GINS1: variants seen among roughly 807,000 people sequenced by gnomAD.
GINS1 encodes DNA replication complex GINS protein PSF1.
Under a neutral mutation model 34.9 loss-of-function variants are expected in GINS1, and 26 were observed. The ratio of observed to expected loss-of-function variants is 0.74; its 90% confidence interval spans 0.55 to 1.03. The LOEUF is 1.03. GINS1 is among the 50% of genes least tolerant of loss of function. The pLI, the probability that GINS1 is intolerant of heterozygous loss-of-function variation, is 0.00. For missense variants in GINS1, 235 were observed against 237.9 expected, an observed-to-expected ratio of 0.99 and a Z score of 0.08; for synonymous variants, 97 against 84.4, an observed-to-expected ratio of 1.15 and a Z score of -0.82.
chr20:25,413,084 A>G (rs1319543753), intron 1 of GINS1, among the ~76,000 whole-genome samples: 1 of 150,082 alleles, frequency 6.7e-6, no homozygotes, highest in Admixed American at 6.6e-5. Flanking sequence ...TTTGAGACGA[A>G]GTTTCGCTCT....
chr20:25,432,904 A>G (rs1396431161), intron 5 of GINS1, among the ~76,000 whole-genome samples: 1 of 148,844 alleles, frequency 6.7e-6, no homozygotes, highest in Admixed American at 6.7e-5. Context: ...TATATATTCT[A>G]TAATATATAA....
At chr20:25,430,154 A>AC (rs2090418884) in intron 5 of GINS1, among the ~76,000 whole-genome samples, 2 of 151,850 alleles carry the variant, frequency 1.3e-5, no homozygotes, top group Admixed American at 6.6e-5. Context: ...CTCATCATCC[A>AC]CCCGCCTTGG....
chr20:25,411,188 T>C (rs939932818), intron 1 of GINS1: 1 of 152,138 alleles, frequency 6.6e-6, no homozygotes. Flanking sequence ...AGTGAGAGGA[T>C]TGCATGGCTC....
At chr20:25,417,475 C>T (rs1367848649) in intron 3 of GINS1, among the ~76,000 whole-genome samples, 2 of 152,052 alleles carry the variant, frequency 1.3e-5, no homozygotes. Flanking sequence ...TCGTGTTTCA[C>T]TTGTTGGTGC....
At chr20:25,411,574 G>A (rs2090285351) in intron 1 of GINS1, among the ~76,000 whole-genome samples, 3 of 152,048 alleles carry the variant, frequency 2.0e-5, no homozygotes, top group South Asian at 2.1e-4. Context: ...CATGGCAGGC[G>A]GATCACTTGA....
chr20:25,441,906 T>C (rs773826684), intron 6 of GINS1, 130 bp downstream of exon 6: 7 of 531,596 alleles, frequency 1.3e-5, no homozygotes, highest in Admixed American at 3.6e-5. Context: ...TAGTATAATA[T>C]ACCCTGTTCT....
chr20:25,418,561 CATT>C (rs1468933119), intron 4 of GINS1, among the ~76,000 whole-genome samples: 1 of 152,144 alleles, frequency 6.6e-6, no homozygotes, highest in Admixed American at 6.6e-5. Context: ...AGAACTAGCC[CATT>C]ATTTAAGGAC....
chr20:25,432,328 T>G (rs1229369650), intron 5 of GINS1, among the ~76,000 whole-genome samples: 3 of 151,976 alleles, frequency 2.0e-5, no homozygotes, highest in Non-Finnish European at 4.4e-5. Context: ...TTTTTTTTTT[T>G]GAGACGGAGT....
At chr20:25,421,017 G>C (rs1227040301) in intron 4 of GINS1, 2 of 951,306 alleles carry the variant, frequency 2.1e-6, no homozygotes, top group Non-Finnish European at 2.5e-6. Flanking sequence ...AGGAGCCTAT[G>C]AGGTCTGAAT....
intron 1 of GINS1, among the ~76,000 whole-genome samples, chr20:25,413,056 A>ATTTTTTTTTTTTTTTTTTT (rs753937496): frequency 7.4e-6 from 1 of 135,956 alleles, no homozygotes; most frequent in Non-Finnish European, 1.6e-5. Flanking sequence ...TCAGTAGTTC[A>ATTTTTTTTTTTTTTTTTTT]TTTTTTTTTT....
rs1159340467 is a variant in GINS1, at chr20:25,423,452, CTTTTTTTTTTTTTTTTT to C, written c.331-1741_331-1725del. 6.3e-4 allele frequency among the ~76,000 whole-genome samples: 19 copies of C among 29,992 alleles called. No homozygotes were observed. The East Asian group carries it at 0.012, about 18-fold the overall frequency. The allele number at this position is 29,992 out of a possible 152,430, so 19.7% of individuals were successfully genotyped here. ...AAGGTTATTAAGATATTTTTCTTTT[CTTTTTTTTTTTTTTTTT>C]TTTTTTTTTTTTTTTTTGAGACGGC... On this transcript the variant is annotated intron_variant, in intron 4 of 6. Coordinates refer to ENST00000262460, the MANE Select transcript of GINS1 (RefSeq NM_021067.5).
intron 5 of GINS1, among the ~76,000 whole-genome samples, chr20:25,429,630 G>A (rs182748793): frequency 4.6e-5 from 7 of 152,180 alleles, no homozygotes. Flanking sequence ...TTCGTTGTTA[G>A]TGTATAGAAA....
At chr20:25,443,419 TA>T (rs747652114) in intron 6 of GINS1, among the ~76,000 whole-genome samples, 1 of 150,340 alleles carries the variant, frequency 6.7e-6, no homozygotes, top group Non-Finnish European at 1.5e-5. Context: ...GCCATCCTCA[TA>T]AAGCAAGATA....
chr20:25,419,721 G>T, intron 4 of GINS1: 1 of 342,110 alleles, frequency 2.9e-6, no homozygotes, highest in Non-Finnish European at 5.4e-6. Flanking sequence ...GGAGTACAGT[G>T]GTGCATTCTC....
At position 25,448,122 on chromosome 20, in the gene GINS1, C is replaced by T. The variant is rs2076303494; in HGVS notation, c.*2131C>T. ...CTCCAGCCTGGGTGACAAAGTGAGA[C>T]TCTATCTCAAAAAGAAATTAGGATC... On this transcript the variant is annotated 3_prime_UTR_variant, in exon 7 of 7. Transcript: ENST00000262460. The T allele has an allele frequency of 6.6e-6, 1 of 152,154 alleles. No homozygotes were observed. The highest frequency in any genetic ancestry group is 2.4e-5 in the African/African-American group (1 of 41,434). 9.4% of individuals were successfully genotyped at this position (152,154 alleles called of 1,614,324 possible).
At chr20:25,415,543 T>C (rs920188226) in intron 2 of GINS1, among the ~76,000 whole-genome samples, 1 of 151,928 alleles carries the variant, frequency 6.6e-6, no homozygotes, top group African/African-American at 2.4e-5. Context: ...AAATTAGCCA[T>C]GCGTGGTGGC....
In GINS1 at chr20:25,446,139, T is replaced by A; in HGVS notation, c.*148T>A. 2.0e-6 allele frequency: 1 copy of A among 507,032 alleles called. No individual in the cohort carries two copies. The highest frequency in any genetic ancestry group is 3.5e-6 in the Non-Finnish European group (1 of 284,662). The allele number at this position is 507,032 out of a possible 1,614,324, so 31.4% of individuals were successfully genotyped here. On this transcript the variant is annotated 3_prime_UTR_variant, in exon 7 of 7. Transcript: ENST00000262460. The stretch of plus-strand genomic sequence containing the variant: ...AAGAATACTTGGCTAAGAAGTATAA[T>A]TTGCTAACTATTAAGGACTTTCTTT...
chr20:25,427,992 C>T (rs2090401980), intron 5 of GINS1, among the ~76,000 whole-genome samples: 1 of 151,492 alleles, frequency 6.6e-6, no homozygotes, highest in South Asian at 2.1e-4. Context: ...CTGCCTCAGC[C>T]TCCTGAGTAG....
At chr20:25,407,938 C>T in intron 1 of GINS1, 43 bp downstream of exon 1, 1 of 1,466,774 alleles carries the variant, frequency 6.8e-7, no homozygotes, top group Non-Finnish European at 9.5e-7. Context: ...CGGCGTTGGG[C>T]CCTGGGCTCT....
Sources: allele counts gnomAD v4.1 joint callset (sites outside exome capture counted in the v4.1 genomes callset), GRCh38; gene constraint gnomAD v4.1.1; transcripts MANE v1.5; gene names NCBI Gene and HGNC (gene_info 2026-07-23, HGNC 2026-07-21).